The following HNRNPD variants were observed in gnomAD, a reference collection of about 807,000 sequenced individuals.
HNRNPD encodes the protein heterogeneous nuclear ribonucleoprotein D0.
In HNRNPD, 3 loss-of-function variants were observed where a neutral mutation model predicts 47.9. The ratio of observed to expected loss-of-function variants is 0.06; its 90% CI spans 0.03 to 0.16. HNRNPD has a LOEUF of 0.16. Ranked by LOEUF, HNRNPD falls within the 10% of genes least tolerant of loss-of-function variation. The pLI is 1.00. For missense variants in HNRNPD, 287 were observed against 454.2 expected (o/e 0.63, Z 3.35); for synonymous variants, 171 against 165.1 (o/e 1.04, Z -0.28).
chr4:82,373,394 AG>A (rs1226537592), intron 1 of HNRNPD, 51 bp downstream of exon 1: 53 of 1,385,540 alleles, frequency 3.8e-5, no homozygotes, highest in Non-Finnish European at 4.8e-5. Context: ...GGGAATAAAG[AG>A]GGGGAGGGGG....
intron 4 of HNRNPD, 28 bp from the exon 5 acceptor site, chr4:82,357,472 G>C (rs370359217): frequency 2.3e-4 from 356 of 1,573,298 alleles, no homozygotes; most frequent in Non-Finnish European, 3.0e-4. Context: ...ATTTTAATAT[G>C]CTAACATGCA....
chr4:82,355,491 T>A, intron 7 of HNRNPD, 90 bp from the exon 8 acceptor site: 2 of 914,396 alleles, frequency 2.2e-6, no homozygotes, highest in Non-Finnish European at 3.5e-6. Flanking sequence ...CTCAAAAAAT[T>A]AAGGGTAGCT....
At chr4:82,366,044 T>C (rs1327797960) in intron 2 of HNRNPD, among the ~76,000 whole-genome samples, 1 of 152,076 alleles carries the variant, frequency 6.6e-6, no homozygotes, top group Non-Finnish European at 1.5e-5. Context: ...GGTATTCCTC[T>C]CCCCCAGCTT....
chr4:82,358,689 T>C lies in HNRNPD; in HGVS notation c.591A>G (p.Lys197=). 6.2e-7 allele frequency: 1 copy of C among 1,609,632 alleles called. No homozygotes were observed. The highest frequency in any genetic ancestry group is 8.5e-7 in the Non-Finnish European group (1 of 1,179,218). ...GGLSPDTPEE[K]IREYFGGFGE... ...CAAAACCACCAAAGTACTCCCTTATTTTCTCTTCAGGTGTATCTGGAGAAA... is the reference window on the plus strand; with the variant it reads ...CAAAACCACCAAAGTACTCCCTTATCTTCTCTTCAGGTGTATCTGGAGAAA... The change falls in exon 4 of 9, where the codon AAA becomes AAG. Residue 197 remains lysine (K), a synonymous_variant. Transcript: ENST00000313899.
intron 2 of HNRNPD, among the ~76,000 whole-genome samples, chr4:82,370,831 AC>A (rs1398555566): frequency 6.6e-6 from 1 of 152,092 alleles, no homozygotes; most frequent in Non-Finnish European, 1.5e-5. Flanking sequence ...ACAATACTCA[AC>A]CTACCAGCCT....
At chr4:82,366,747 G>A (rs1020367760) in intron 2 of HNRNPD, among the ~76,000 whole-genome samples, 3 of 151,862 alleles carry the variant, frequency 2.0e-5, no homozygotes, top group Non-Finnish European at 4.4e-5. Flanking sequence ...TTTTAGTAGA[G>A]CTGGGGTTTC....
At chr4:82,373,014 A>T (rs535077108) in intron 1 of HNRNPD, 1 of 393,696 alleles carries the variant, frequency 2.5e-6, no homozygotes, top group South Asian at 1.8e-5. Context: ...AGCACCAAAT[A>T]AACCTTAGTA....
rs1296273780 is a variant in HNRNPD, at chr4:82,373,795, C to G, written c.-117G>C. The stretch of plus-strand genomic sequence containing the variant: ...CGCCCGCTCTACCTCGCGAAGCACA[C>G]AAGACAGGGAAGGCGCGCGCGTGGC... On this transcript the variant is annotated 5_prime_UTR_variant, in exon 1 of 9. Transcript: ENST00000313899. 4 of 1,518,574 alleles carry G rather than the reference C, an allele frequency of 2.6e-6. No homozygotes were observed. Among genetic ancestry groups the G allele is most frequent in the South Asian group, 2.4e-5 (2 of 83,102 alleles). 94.1% of individuals were successfully genotyped at this position (1,518,574 alleles called of 1,614,324 possible). A position where few individuals can be genotyped will look rare whatever the true frequency, so the allele number is the denominator to read the frequency against.
At chr4:82,359,680 T>C (rs770632275) in intron 2 of HNRNPD, 41 bp from the exon 3 acceptor site, 9 of 1,378,392 alleles carry the variant, frequency 6.5e-6, no homozygotes, top group South Asian at 1.4e-5. Flanking sequence ...TTAAAAAAAA[T>C]TGCCTTAAAT....
chr4:82,359,674 A>G (rs113637547), intron 2 of HNRNPD, 35 bp from the exon 3 acceptor site: 7 of 1,445,500 alleles, frequency 4.8e-6, no homozygotes, highest in Non-Finnish European at 6.6e-6. Context: ...AAATGCTTAA[A>G]AAAAATTGCC....
At chr4:82,373,045 TGTGTC>T in intron 1 of HNRNPD, 1 of 445,798 alleles carries the variant, frequency 2.2e-6, no homozygotes, top group South Asian at 1.6e-5. Flanking sequence ...AGAAGCTGTT[TGTGTC>T]TGTGTTTTTA....
chr4:82,365,299 TA>T (rs1719694939), intron 2 of HNRNPD, among the ~76,000 whole-genome samples: 1 of 152,234 alleles, frequency 6.6e-6, no homozygotes, highest in Non-Finnish European at 1.5e-5. Context: ...ATTTCAGGTA[TA>T]AAACATAAAT....
At chr4:82,370,981 T>C (rs2868353) in intron 2 of HNRNPD, among the ~76,000 whole-genome samples, 33,286 of 149,308 alleles carry the variant, frequency 0.22, 4,745 homozygotes, top group African/African-American at 0.4. Context: ...GGTATATATA[T>C]ACACACACAC....
At chr4:82,366,399 A>G (rs1719759556) in intron 2 of HNRNPD, among the ~76,000 whole-genome samples, 1 of 151,928 alleles carries the variant, frequency 6.6e-6, no homozygotes, top group Admixed American at 6.6e-5. Flanking sequence ...GCCCACCATC[A>G]TGCCCGGCTA....
rs944054104 is a variant in HNRNPD, at chr4:82,373,025, A to G, written c.233+421T>C. 1.0e-4 allele frequency: 43 copies of G among 416,136 alleles called. 1 individual carries two copies. Among genetic ancestry groups the G allele is most frequent in the South Asian group, 6.2e-4 (37 of 59,292 alleles). The allele number at this position is 416,136 out of a possible 1,614,324, so 25.8% of individuals were successfully genotyped here. ...GAGAAGCACCAAATAAACCTTAGTA[A>G]TACAAACAGAGAAGCTGTTTGTGTC... On this transcript the variant is annotated intron_variant, in intron 1 of 8. Transcript: ENST00000313899.
intron 2 of HNRNPD, among the ~76,000 whole-genome samples, chr4:82,362,087 G>A (rs1460627620): frequency 6.6e-6 from 1 of 151,978 alleles, no homozygotes; most frequent in Non-Finnish European, 1.5e-5. Context: ...TTTTCTAACA[G>A]CATCACACTT....
intron 1 of HNRNPD, among the ~76,000 whole-genome samples, chr4:82,372,134 T>C (rs1720076147): frequency 6.6e-6 from 1 of 151,428 alleles, no homozygotes; most frequent in South Asian, 2.1e-4. Context: ...ACCTTTCTCT[T>C]TACAGTTAAA....
intron 2 of HNRNPD, among the ~76,000 whole-genome samples, chr4:82,368,060 T>C (rs1299372205): frequency 6.6e-6 from 1 of 152,194 alleles, no homozygotes; most frequent in Admixed American, 6.5e-5. Flanking sequence ...TGAAGTCAAA[T>C]CAAGCTTGGA....
intron 8 of HNRNPD, 109 bp downstream of exon 8, chr4:82,355,195 G>A: frequency 1.5e-6 from 1 of 682,504 alleles, no homozygotes; most frequent in Non-Finnish European, 2.6e-6. Flanking sequence ...AATATGGTAA[G>A]CACTTCTGGG....
Sources: allele counts gnomAD v4.1 joint callset (sites outside exome capture counted in the v4.1 genomes callset), GRCh38; gene constraint gnomAD v4.1.1; transcripts MANE v1.5; gene names NCBI Gene and HGNC (gene_info 2026-07-23, HGNC 2026-07-21).